The following AASS variants were observed in gnomAD, a reference collection of about 807,000 sequenced individuals.
AASS encodes the protein aminoadipate-semialdehyde synthase.
Under a neutral mutation model 105.4 loss-of-function variants are expected in AASS, and 86 were observed. The observed-to-expected ratio is 0.82, with a 90% confidence interval of 0.69 to 0.98. The LOEUF is 0.98. AASS is among the 50% of genes least tolerant of loss of function. The probability of loss-of-function intolerance (pLI) is 0.00; values close to 1 mark genes in which losing one functional copy is unlikely to be tolerated. For synonymous variants in AASS, 381 were observed against 394.8 expected (o/e 0.96, Z 0.41); for missense variants, 1,048 against 1,143.2 (o/e 0.92, Z 1.20).
chr7:122,142,922 A>AAT (rs1461484828), intron 1 of AASS, among the ~76,000 whole-genome samples: 1 of 152,240 alleles, frequency 6.6e-6, no homozygotes, highest in Non-Finnish European at 1.5e-5. Context: ...CGCCATCATC[A>AAT]ATAACAAGTG....
intron 23 of AASS, among the ~76,000 whole-genome samples, 168 bp downstream of exon 23, chr7:122,077,670 T>C (rs185011640): frequency 1.3e-5 from 2 of 152,326 alleles, no homozygotes; most frequent in African/African-American, 4.8e-5. Context: ...CCACATGCTT[T>C]ACTCATCAAA....
intron 6 of AASS, among the ~76,000 whole-genome samples, chr7:122,117,605 G>A (rs1795242376): frequency 6.6e-6 from 1 of 151,866 alleles, no homozygotes; most frequent in Admixed American, 6.6e-5. Context: ...CCTTTACACT[G>A]TTAACAATGA....
rs759254083 is a variant in AASS, at chr7:122,098,745, C to G, written c.1528G>C (p.Gly510Arg). The G allele has an allele frequency of 6.2e-7, 1 of 1,607,126 alleles. No homozygotes were observed. Among genetic ancestry groups the G allele is most frequent in the Admixed American group, 1.7e-5 (1 of 59,422 alleles). The change falls in exon 14 of 24, where the codon GGA becomes CGA. Residue 510 changes from glycine (G) to arginine (R), a missense_variant and splice_region_variant. Gly to Arg is a moderately radical substitution (Grantham distance 125). Coordinates refer to ENST00000417368, the MANE Select transcript of AASS (RefSeq NM_005763.4). ...TCTTCAAAAATTAGGGCTTATTTACCTACTGTTATTTCTATATTGCCATCT... is the reference window on the plus strand; with the variant it reads ...TCTTCAAAAATTAGGGCTTATTTACGTACTGTTATTTCTATATTGCCATCT... ...SRDGNIEITV[G>R]SDMKNQIEQL...
At chr7:122,111,238 ACT>A (rs1418666212) in intron 11 of AASS, among the ~76,000 whole-genome samples, 17 of 152,240 alleles carry the variant, frequency 1.1e-4, no homozygotes, top group Non-Finnish European at 1.5e-5. Context: ...AAAGATAGAA[ACT>A]CTCTGCAGAA....
intron 20 of AASS, among the ~76,000 whole-genome samples, chr7:122,080,621 G>A (rs981141558): frequency 5.9e-5 from 9 of 152,076 alleles, no homozygotes; most frequent in African/African-American, 1.7e-4. Context: ...AAAAGCAACT[G>A]GCTAACACAA....
intron 15 of AASS, among the ~76,000 whole-genome samples, chr7:122,094,889 T>G (rs892861541): frequency 1.1e-4 from 17 of 152,036 alleles, no homozygotes; most frequent in Non-Finnish European, 2.1e-4. Context: ...GTTTGACACT[T>G]CCTGATAGCC....
intron 22 of AASS, among the ~76,000 whole-genome samples, chr7:122,078,347 C>T (rs1473129989): frequency 6.6e-6 from 1 of 151,366 alleles, no homozygotes; most frequent in Non-Finnish European, 1.5e-5. Context: ...GGCGCGGTGG[C>T]TCATGCCTGT....
chr7:122,095,889 C>A (rs1794132465), intron 15 of AASS, among the ~76,000 whole-genome samples: 1 of 152,070 alleles, frequency 6.6e-6, no homozygotes. Flanking sequence ...ATCACATTCT[C>A]CATATTAAAC....
At chr7:122,115,784 G>T (rs542952429) in intron 8 of AASS, among the ~76,000 whole-genome samples, 7 of 152,216 alleles carry the variant, frequency 4.6e-5, no homozygotes, top group African/African-American at 1.7e-4. Context: ...TCTGTGATTG[G>T]GGAAATGAGA....
At position 122,076,539 on chromosome 7, in the gene AASS, T is replaced by C. The variant is rs142899940; in HGVS notation, c.2731A>G (p.Ile911Val). 1.9e-6 allele frequency: 3 copies of C among 1,613,986 alleles called. No individual in the cohort carries two copies. The highest frequency in any genetic ancestry group is 1.1e-5 in the South Asian group (1 of 91,074). The change falls in exon 24 of 24, where the codon ATT (isoleucine) becomes GTT (valine). Residue 911 changes from isoleucine (I) to valine (V), a missense_variant. Ile to Val is a conservative substitution (Grantham distance 29). Transcript: ENST00000417368. ...GTATATATAATGCCTTCTGCTTTAATTCGCTCCAATATTGGTCCATAGATC... is the reference window on the plus strand; with the variant it reads ...GTATATATAATGCCTTCTGCTTTAACTCGCTCCAATATTGGTCCATAGATC... ...KEIYGPILER[I>V]KAEGIIYTTQ...
intron 2 of AASS, 121 bp from the exon 3 acceptor site, chr7:122,129,658 G>C (rs1010392643): frequency 1.4e-5 from 12 of 870,920 alleles, no homozygotes; most frequent in Non-Finnish European, 1.8e-6. Flanking sequence ...GTATGAATTA[G>C]AACAAATAAT....
At chr7:122,089,909 A>G (rs1295132318) in intron 18 of AASS, among the ~76,000 whole-genome samples, 1 of 152,178 alleles carries the variant, frequency 6.6e-6, no homozygotes, top group Non-Finnish European at 1.5e-5. Flanking sequence ...TCACATGTTA[A>G]TTTATACCAA....
At chr7:122,077,113 A>ATG (rs754594984) in intron 23 of AASS, among the ~76,000 whole-genome samples, 32 of 152,310 alleles carry the variant, frequency 2.1e-4, no homozygotes, top group Non-Finnish European at 4.0e-4. Flanking sequence ...ATTCCTCAAT[A>ATG]ACTAAGTTGG....
intron 22 of AASS, 146 bp downstream of exon 22, chr7:122,078,716 C>T: frequency 1.3e-6 from 1 of 744,776 alleles, no homozygotes; most frequent in Non-Finnish European, 2.3e-6. Context: ...ATTCCTCCCT[C>T]TGGAAAAATA....
chr7:122,112,357 C>T (rs1486498439), intron 11 of AASS, among the ~76,000 whole-genome samples: 1 of 152,004 alleles, frequency 6.6e-6, no homozygotes. Flanking sequence ...TGACATATTC[C>T]AATAGGAAAA....
intron 21 of AASS, chr7:122,079,272 C>T (rs1485693871): frequency 7.4e-7 from 1 of 1,348,998 alleles, no homozygotes; most frequent in African/African-American, 1.5e-5. Flanking sequence ...CAGGATGCCA[C>T]AGCGGTCATA....
chr7:122,126,503 A>G (rs756086935), intron 3 of AASS, 44 bp from the exon 4 acceptor site: 1 of 1,494,674 alleles, frequency 6.7e-7, no homozygotes, highest in South Asian at 1.1e-5. Flanking sequence ...CATTAAGCTT[A>G]ATTTTAACAA....
intron 11 of AASS, among the ~76,000 whole-genome samples, chr7:122,110,505 A>G (rs1794883432): frequency 6.6e-6 from 1 of 151,880 alleles, no homozygotes; most frequent in African/African-American, 2.4e-5. Context: ...AAAAGAAACA[A>G]ACAAAAATGC....
intron 6 of AASS, among the ~76,000 whole-genome samples, chr7:122,117,444 G>C (rs765735583): frequency 6.6e-6 from 1 of 152,002 alleles, no homozygotes; most frequent in Non-Finnish European, 1.5e-5. Flanking sequence ...ACCAGAGAAG[G>C]AAGAAAGCAT....
Sources: gnomAD v4.1 joint callset for allele counts (sites outside exome capture counted in the v4.1 genomes callset) on GRCh38, gnomAD v4.1.1 for gene constraint, MANE v1.5 for transcripts, NCBI Gene and HGNC (gene_info 2026-07-23, HGNC 2026-07-21) for gene names.